SPEF2: variants seen among roughly 807,000 people sequenced by gnomAD.
SPEF2 encodes the protein sperm flagella and cilia-associated protein 2.
A neutral mutation model predicts 224.6 loss-of-function variants in SPEF2; 187 were observed. The ratio of observed to expected loss-of-function variants is 0.83; its 90% confidence interval spans 0.74 to 0.94. The LOEUF is 0.94. Ranked by LOEUF, SPEF2 falls within the 40% of genes least tolerant of loss-of-function variation. The pLI, the probability that SPEF2 is intolerant of heterozygous loss-of-function variation, is 0.00. For synonymous variants in SPEF2, 715 were observed against 707.3 expected (o/e 1.01, Z -0.17); for missense variants, 2,170 against 2,135.6 (o/e 1.02, Z -0.32).
chr5:35,653,946 C>CAAA (rs67527515), intron 6 of SPEF2, among the ~76,000 whole-genome samples: 1 of 87,988 alleles, frequency 1.1e-5, no homozygotes, highest in Non-Finnish European at 2.2e-5. Context: ...GACTCTGTCT[C>CAAA]AAAAAAAAAA....
intron 2 of SPEF2, among the ~76,000 whole-genome samples, chr5:35,638,786 G>A (rs1316910554): frequency 6.6e-6 from 1 of 152,100 alleles, no homozygotes; most frequent in South Asian, 2.1e-4. Context: ...AAGTTGCAGC[G>A]TGTGTTTATT....
At chr5:35,674,647 G>A (rs533426752) in intron 10 of SPEF2, among the ~76,000 whole-genome samples, 1 of 150,542 alleles carries the variant, frequency 6.6e-6, no homozygotes, top group Non-Finnish European at 1.5e-5. Flanking sequence ...TTATCCTTGC[G>A]ATAGTTTGCT....
At chr5:35,757,221 T>G (rs1487313869) in intron 24 of SPEF2, among the ~76,000 whole-genome samples, 1 of 152,074 alleles carries the variant, frequency 6.6e-6, no homozygotes, top group East Asian at 1.9e-4. Flanking sequence ...TTGGATATAG[T>G]ATGGCATCTT....
At chr5:35,740,978 T>G (rs1042809406) in intron 23 of SPEF2, among the ~76,000 whole-genome samples, 5 of 152,214 alleles carry the variant, frequency 3.3e-5, no homozygotes, top group Non-Finnish European at 7.3e-5. Flanking sequence ...AACCTAAATA[T>G]TGATTTATGT....
In SPEF2 at chr5:35,814,557, CA is replaced by C; in HGVS notation, c.*8del. On this transcript the variant is annotated 3_prime_UTR_variant, in exon 37 of 37. Transcript: ENST00000356031. ...ACATACAGAGGAAAAGAAATGAAGA[CA>C]AAAGAGTGTGATTTTTTTAATTCTG... The C allele has an allele frequency of 1.3e-6, 2 of 1,571,710 alleles. No individual in the cohort carries two copies. The highest frequency in any genetic ancestry group is 2.3e-5 in the East Asian group (1 of 43,708).
At chr5:35,751,096 C>CACACACATAT (rs1554048857) in intron 23 of SPEF2, among the ~76,000 whole-genome samples, 6 of 30,620 alleles carry the variant, frequency 2.0e-4, no homozygotes, top group East Asian at 8.6e-4. Context: ...CACACACACA[C>CACACACATAT]ATATATATAT....
chr5:35,659,294 C>A, intron 8 of SPEF2, 87 bp downstream of exon 8: 1 of 1,281,822 alleles, frequency 7.8e-7, no homozygotes, highest in Non-Finnish European at 1.1e-6. Flanking sequence ...TATTTTGTTG[C>A]CAATCATCTA....
intron 1 of SPEF2, among the ~76,000 whole-genome samples, chr5:35,627,645 T>A (rs1744458126): frequency 6.6e-6 from 1 of 152,204 alleles, no homozygotes; most frequent in South Asian, 2.1e-4. Flanking sequence ...TATCATTATG[T>A]GCCTACTATG....
intron 25 of SPEF2, 114 bp from the exon 26 acceptor site, chr5:35,763,408 C>T: frequency 2.1e-6 from 2 of 975,408 alleles, no homozygotes; most frequent in Non-Finnish European, 2.8e-6. Flanking sequence ...TTCAGGAAAA[C>T]TTTGAAAATT....
intron 2 of SPEF2, among the ~76,000 whole-genome samples, chr5:35,635,315 C>T (rs1010705301): frequency 2.0e-5 from 3 of 152,108 alleles, no homozygotes; most frequent in African/African-American, 7.2e-5. Flanking sequence ...TTGATACTCT[C>T]TTATTGTTGA....
At chr5:35,788,883 A>G in intron 30 of SPEF2, 1 of 702,932 alleles carries the variant, frequency 1.4e-6, no homozygotes, top group Non-Finnish European at 2.6e-6. Context: ...CCTCTTCATA[A>G]GAGTGCTCTG....
intron 30 of SPEF2, chr5:35,789,635 TG>T (rs1276023084): frequency 1.6e-6 from 1 of 629,680 alleles, no homozygotes; most frequent in African/African-American, 1.8e-5. Flanking sequence ...GTTTCAGAGA[TG>T]CCAGCCAAAA....
At chr5:35,763,892 C>T (rs772109178) in intron 26 of SPEF2, among the ~76,000 whole-genome samples, 190 bp downstream of exon 26, 19 of 152,102 alleles carry the variant, frequency 1.2e-4, no homozygotes, top group African/African-American at 4.1e-4. Flanking sequence ...GATCATGAAA[C>T]GAACCAACAT....
chr5:35,804,697 AT>A (rs1757849232), intron 34 of SPEF2, among the ~76,000 whole-genome samples: 1 of 150,232 alleles, frequency 6.7e-6, no homozygotes, highest in South Asian at 2.1e-4. Context: ...AAATGTTTAC[AT>A]TGCTACCTCT....
At chr5:35,720,792 A>G (rs1743511727) in intron 20 of SPEF2, among the ~76,000 whole-genome samples, 1 of 152,194 alleles carries the variant, frequency 6.6e-6, no homozygotes, top group Non-Finnish European at 1.5e-5. Flanking sequence ...AAACCTGTCA[A>G]ACAATCCTGT....
chr5:35,741,608 T>C (rs1334534834), intron 23 of SPEF2, among the ~76,000 whole-genome samples: 1 of 152,182 alleles, frequency 6.6e-6, no homozygotes, highest in Non-Finnish European at 1.5e-5. Context: ...TAAAAGAGTC[T>C]GCAGTAGAGT....
chr5:35,650,672 C>A (rs146284759), intron 6 of SPEF2, among the ~76,000 whole-genome samples: 62 of 152,306 alleles, frequency 4.1e-4, no homozygotes, highest in African/African-American at 1.4e-3. Flanking sequence ...CACTGTCTCC[C>A]AGGCCCTGCA....
chr5:35,793,330 CA>C lies in SPEF2; in HGVS notation c.4727del (p.Gln1576ArgfsTer15). The C allele has an allele frequency of 6.2e-7, 1 of 1,611,696 alleles. No homozygotes were observed. Reference protein sequence around the residue: ...KEQLGTITFEQYMQAGLWFTG... With the variant: ...KEQLGTITFEXYMQAGLWFTG... ...GCAGTTGGGCACCATCACTTTTGAG[CA>C]GTATATGCAGGTTGTTACCAGCACC... is the stretch of plus-strand genomic sequence containing the variant. On this transcript the variant is annotated frameshift_variant, in exon 32 of 37. Coordinates refer to ENST00000356031, the MANE Select transcript of SPEF2 (RefSeq NM_024867.4). LOFTEE classifies it high-confidence loss of function.
At chr5:35,636,758 T>C (rs1745882444) in intron 2 of SPEF2, among the ~76,000 whole-genome samples, 1 of 151,920 alleles carries the variant, frequency 6.6e-6, no homozygotes, top group Non-Finnish European at 1.5e-5. Flanking sequence ...GTGGATCACC[T>C]GAGGTCAAGA....
Sources: gnomAD v4.1 joint callset for allele counts (sites outside exome capture counted in the v4.1 genomes callset) on GRCh38, gnomAD v4.1.1 for gene constraint, MANE v1.5 for transcripts, NCBI Gene and HGNC (gene_info 2026-07-23, HGNC 2026-07-21) for gene names.